Variants in ZBBX observed in about 807,000 individuals in gnomAD.
The protein encoded by ZBBX is zinc finger B-box domain containing, also known as zinc finger B-box domain-containing protein 1.
A neutral mutation model predicts 108.5 loss-of-function variants in ZBBX; 101 were observed. The observed-to-expected ratio is 0.93, with a 90% CI of 0.79 to 1.10. The LOEUF is 1.10. ZBBX is among the 50% of genes least tolerant of loss of function. The pLI is 0.00. For missense variants in ZBBX, 1,009 were observed against 941.4 expected (o/e 1.07, Z -0.94); for synonymous variants, 356 against 323.4 (o/e 1.10, Z -1.08).
intron 20 of ZBBX, among the ~76,000 whole-genome samples, chr3:167,257,671 T>C (rs1038931619): frequency 6.6e-6 from 1 of 152,124 alleles, no homozygotes; most frequent in Admixed American, 6.6e-5. Context: ...TCTGTTGATA[T>C]GATGTATCAC....
chr3:167,324,309 T>C (rs1400980090), intron 11 of ZBBX, among the ~76,000 whole-genome samples: 2 of 152,168 alleles, frequency 1.3e-5, no homozygotes, highest in East Asian at 3.9e-4. Flanking sequence ...CATGTATGAC[T>C]TTTCTTTAAA....
chr3:167,287,672 G>T (rs571099553), intron 19 of ZBBX, among the ~76,000 whole-genome samples: 8 of 152,068 alleles, frequency 5.3e-5, no homozygotes. Flanking sequence ...CTCATAGCAC[G>T]TATATGAATT....
chr3:167,293,307 C>G (rs13097606), intron 18 of ZBBX, among the ~76,000 whole-genome samples: 60,272 of 152,042 alleles, frequency 0.4, 12,131 homozygotes, highest in Non-Finnish European at 0.43. Context: ...CTCAATAATA[C>G]TGGCAAACCA....
At chr3:167,277,438 G>C (rs1030005157) in intron 20 of ZBBX, among the ~76,000 whole-genome samples, 2 of 151,760 alleles carry the variant, frequency 1.3e-5, no homozygotes, top group African/African-American at 2.4e-5. Flanking sequence ...AAAAAGGCAG[G>C]GATTGCAATC....
At chr3:167,375,211 G>C (rs568900601) in intron 2 of ZBBX, among the ~76,000 whole-genome samples, 1 of 152,294 alleles carries the variant, frequency 6.6e-6, no homozygotes, top group African/African-American at 2.4e-5. Context: ...CTTCATCGTT[G>C]TTCCTTTGGG....
chr3:167,379,907 A>T (rs1055259164), intron 1 of ZBBX, 115 bp from the exon 2 acceptor site: 2 of 152,330 alleles, frequency 1.3e-5, no homozygotes, highest in African/African-American at 4.8e-5. Context: ...CAGAAGGGGT[A>T]CAACTGATGA....
Position 167,371,177 on chromosome 3 carries a change from T to G in ZBBX, c.68+1657A>C, listed in dbSNP as rs201760783. Among the ~76,000 whole-genome samples the G allele has an allele frequency of 2.0e-5, 3 of 152,162 alleles. No individual in the cohort carries two copies. In the East Asian group the frequency reaches 5.8e-4, roughly 29 times the overall value. On this transcript the variant is annotated intron_variant, in intron 4 of 21. Transcript: ENST00000675490. ...GACGTACAGGCCAGGGAATAGTGAT[T>G]CCAACCTATTTCCAAACTCTTTACT...
chr3:167,311,680 G>T (rs1576965134), intron 16 of ZBBX, among the ~76,000 whole-genome samples: 1 of 151,838 alleles, frequency 6.6e-6, no homozygotes, highest in Admixed American at 6.6e-5. Flanking sequence ...CATATTAAAA[G>T]ATTCTCGATA....
At chr3:167,359,338 T>C (rs1744138966) in intron 8 of ZBBX, among the ~76,000 whole-genome samples, 1 of 152,138 alleles carries the variant, frequency 6.6e-6, no homozygotes, top group South Asian at 2.1e-4. Context: ...AAAGGTAATC[T>C]TCTAGGTCTT....
intron 18 of ZBBX, among the ~76,000 whole-genome samples, chr3:167,289,569 G>A (rs546243860): frequency 1.3e-4 from 20 of 152,284 alleles, no homozygotes; most frequent in East Asian, 1.2e-3. Context: ...ACTCTGGCTC[G>A]GATACTGTGC....
At chr3:167,404,640 CATT>C (rs1270567781) in intron 1 of ZBBX, among the ~76,000 whole-genome samples, 1 of 152,158 alleles carries the variant, frequency 6.6e-6, no homozygotes, top group Non-Finnish European at 1.5e-5. Context: ...AGGTGCATTT[CATT>C]ATACAAATGT....
rs955449953 is a variant in ZBBX at position 167,289,634 on chromosome 3, C to G, written c.1880-651G>C. ...CAGGAGATCCCCTCCGGTGCCTACACCACCAGGGACCTTGGTTTCCAGCAC... is the reference window on the plus strand; with the variant it reads ...CAGGAGATCCCCTCCGGTGCCTACAGCACCAGGGACCTTGGTTTCCAGCAC... On this transcript the variant is annotated intron_variant, in intron 18 of 21. Transcript: ENST00000675490. Among the ~76,000 whole-genome samples, 3 of 152,336 alleles carry G rather than the reference C, an allele frequency of 2.0e-5. No homozygotes were observed. In the East Asian group the frequency reaches 5.8e-4, roughly 29 times the overall value.
chr3:167,362,672 T>G (rs752230469), intron 6 of ZBBX, among the ~76,000 whole-genome samples: 1 of 152,166 alleles, frequency 6.6e-6, no homozygotes, highest in African/African-American at 2.4e-5. Context: ...AAAGCCACCT[T>G]TGCTTAGACA....
At chr3:167,277,879 C>G (rs566978811) in intron 20 of ZBBX, among the ~76,000 whole-genome samples, 1 of 151,902 alleles carries the variant, frequency 6.6e-6, no homozygotes, top group Non-Finnish European at 1.5e-5. Flanking sequence ...TGTAAAAGAA[C>G]AGAAATTATA....
At chr3:167,248,623 C>G in intron 20 of ZBBX, 1 of 456,600 alleles carries the variant, frequency 2.2e-6, no homozygotes, top group South Asian at 1.5e-5. Context: ...CAGTCCCAAA[C>G]TGGACTCCAA....
chr3:167,200,253 G>C, the ZBBX span, among the ~76,000 whole-genome samples: 2,028 of 152,178 alleles, frequency 0.013, 22 homozygotes, highest in South Asian at 0.026. Flanking sequence ...ATGATTCAAC[G>C]CAGTACACCT....
chr3:167,229,953 A>G, the ZBBX span, among the ~76,000 whole-genome samples: 1 of 151,880 alleles, frequency 6.6e-6, no homozygotes, highest in Non-Finnish European at 1.5e-5. Flanking sequence ...CTTTTCTACA[A>G]ATCAATAGTA....
the ZBBX span, among the ~76,000 whole-genome samples, chr3:167,205,006 A>G: frequency 5.9e-5 from 9 of 152,128 alleles, no homozygotes; most frequent in South Asian, 2.1e-4. Context: ...AAGGAAAAAA[A>G]TGATGAAGAA....
intron 20 of ZBBX, among the ~76,000 whole-genome samples, chr3:167,272,628 T>C (rs897898279): frequency 7.9e-5 from 12 of 152,220 alleles, no homozygotes; most frequent in African/African-American, 2.7e-4. Context: ...GACCACCTTG[T>C]TATTAATTAA....
Sources: gnomAD v4.1 joint callset for allele counts (sites outside exome capture counted in the v4.1 genomes callset) on GRCh38, gnomAD v4.1.1 for gene constraint, MANE v1.5 for transcripts, NCBI Gene and HGNC (gene_info 2026-07-23, HGNC 2026-07-21) for gene names.